E2F6: variants seen among roughly 807,000 people sequenced by gnomAD.
E2F6 encodes E2F transcription factor 6.
Under a neutral mutation model 31.5 loss-of-function variants are expected in E2F6, and 19 were observed. That is an observed-to-expected ratio of 0.60 (90% confidence interval 0.42 to 0.89). The LOEUF (loss-of-function observed/expected upper bound fraction) is 0.89. E2F6 is among the 40% of genes least tolerant of loss of function. E2F6 has a pLI of 0.00. For synonymous variants in E2F6, 121 were observed against 127.7 expected (o/e 0.95, Z 0.36); for missense variants, 269 against 341.6 (o/e 0.79, Z 1.67).
intron 1 of E2F6, among the ~76,000 whole-genome samples, chr2:11,458,787 C>T (rs1671577220): frequency 6.6e-6 from 1 of 152,168 alleles, no homozygotes; most frequent in South Asian, 2.1e-4. Context: ...ATATGGAATA[C>T]TCCCATTGAG....
chr2:11,465,178 C>CAAAAAAAAAAAAAA (rs59561027), intron 1 of E2F6, among the ~76,000 whole-genome samples: 6 of 88,548 alleles, frequency 6.8e-5, no homozygotes, highest in African/African-American at 1.4e-4. Context: ...AACTCAATCT[C>CAAAAAAAAAAAAAA]AAAAAAAAAA....
At chr2:11,463,617 TAAG>T (rs1558464460) in intron 1 of E2F6, among the ~76,000 whole-genome samples, 1 of 152,058 alleles carries the variant, frequency 6.6e-6, no homozygotes, top group Non-Finnish European at 1.5e-5. Context: ...TGAACTCCCC[TAAG>T]AAGAATGTGT....
chr2:11,465,763 G>T lies in E2F6; in HGVS notation c.108+9C>A, dbSNP rs775637019. ...CCACCGCCCGTCCCCGTCCCGTCCCGGAGCTTACCAGCAGGCCCTCCACGT... is the reference window on the plus strand; with the variant it reads ...CCACCGCCCGTCCCCGTCCCGTCCCTGAGCTTACCAGCAGGCCCTCCACGT... On this transcript the variant is annotated intron_variant, in intron 1 of 6. Coordinates refer to ENST00000381525, the MANE Select transcript of E2F6 (RefSeq NM_198256.4). 3 of 1,583,052 alleles carry T rather than the reference G, an allele frequency of 1.9e-6. No individual in the cohort carries two copies. Among genetic ancestry groups the T allele is most frequent in the Non-Finnish European group, 2.6e-6 (3 of 1,165,366 alleles).
rs571082472 is a variant in E2F6 at position 11,445,119 on chromosome 2, T to G, written c.*1358A>C. 8 of 152,334 alleles carry G rather than the reference T, an allele frequency of 5.3e-5. No homozygotes were observed. In the South Asian group the frequency reaches 1.7e-3, roughly 32 times the overall value. 9.4% of individuals were successfully genotyped at this position (152,334 alleles called of 1,614,324 possible). A position where few individuals can be genotyped will look rare whatever the true frequency, so the allele number is the denominator to read the frequency against. ...TATGTGAATCCTAAACACTCAGCAT[T>G]ATTTTTTAATACTTTGATTTTGGAT... On this transcript the variant is annotated 3_prime_UTR_variant, in exon 7 of 7. Transcript: ENST00000381525.
intron 5 of E2F6, among the ~76,000 whole-genome samples, chr2:11,449,455 T>C (rs577643031): frequency 6.6e-6 from 1 of 152,352 alleles, no homozygotes; most frequent in Admixed American, 6.5e-5. Flanking sequence ...TCTGTCCTCA[T>C]CAAGCAGCCT....
chr2:11,447,493 G>C, intron 6 of E2F6, 134 bp downstream of exon 6: 1 of 944,620 alleles, frequency 1.1e-6, no homozygotes, highest in South Asian at 1.6e-5. Context: ...CTAAACTACA[G>C]TAAGAGTTAT....
intron 4 of E2F6, 133 bp from the exon 5 acceptor site, chr2:11,450,259 G>T: frequency 2.3e-6 from 1 of 442,360 alleles, no homozygotes; most frequent in South Asian, 4.8e-5. Context: ...CACCATTAAG[G>T]AAAGCAGTAA....
intron 1 of E2F6, among the ~76,000 whole-genome samples, chr2:11,464,933 G>T (rs913062637): frequency 6.6e-6 from 1 of 151,982 alleles, no homozygotes; most frequent in Non-Finnish European, 1.5e-5. Flanking sequence ...GAAAATACGG[G>T]GAGAGGTCGG....
rs546723447 is a variant in E2F6, at chr2:11,449,972, A to T, written c.651+40T>A. The T allele has an allele frequency of 1.3e-5, 19 of 1,517,164 alleles. No individual in the cohort carries two copies. The South Asian group carries it at 1.9e-4, about 15-fold the overall frequency. The allele number at this position is 1,517,164 out of a possible 1,614,324, so 94.0% of individuals were successfully genotyped here. On this transcript the variant is annotated intron_variant, in intron 5 of 6. Coordinates refer to ENST00000381525, the MANE Select transcript of E2F6 (RefSeq NM_198256.4). ...ATCACAGCCTAAGCAGTCGGCCCTCATCCCTCTTTAAATCTTTTTAAAAAT... is the reference window on the plus strand; with the variant it reads ...ATCACAGCCTAAGCAGTCGGCCCTCTTCCCTCTTTAAATCTTTTTAAAAAT...
Position 11,450,139 on chromosome 2 carries a change from C to A in E2F6, c.537-13G>T. ...CACATATGCTAGTGTAAAACTCAGT[C>A]AAGGATCTCTACACAGAATGCTGTT... On this transcript the variant is annotated splice_polypyrimidine_tract_variant and intron_variant, in intron 4 of 6. Coordinates refer to ENST00000381525, the MANE Select transcript of E2F6 (RefSeq NM_198256.4). The A allele has an allele frequency of 1.3e-6, 2 of 1,569,560 alleles. No individual in the cohort carries two copies. The highest frequency in any genetic ancestry group is 1.1e-5 in the South Asian group (1 of 89,576).
At chr2:11,455,262 G>T in intron 2 of E2F6, 1 of 984,634 alleles carries the variant, frequency 1.0e-6, no homozygotes, top group Non-Finnish European at 1.3e-6. Context: ...TGTCACTCTG[G>T]TGTGGAATAT....
chr2:11,462,410 T>C (rs185354297), intron 1 of E2F6, among the ~76,000 whole-genome samples: 6 of 152,222 alleles, frequency 3.9e-5, no homozygotes, highest in African/African-American at 1.4e-4. Flanking sequence ...ACAACAATTA[T>C]AGCAATAAAC....
At chr2:11,451,626 A>T in intron 4 of E2F6, 25 bp downstream of exon 4, 1 of 1,576,304 alleles carries the variant, frequency 6.3e-7, no homozygotes, top group Non-Finnish European at 8.6e-7. Context: ...CAGAAATTTT[A>T]AAAAGGTATA....
Position 11,465,955 on chromosome 2 carries a change from C to A in E2F6, c.-76G>T, listed in dbSNP as rs974784966. On this transcript the variant is annotated 5_prime_UTR_variant, in exon 1 of 7. Transcript: ENST00000381525. ...CCTCTCGCGCTCAGCTCGAGCACCG[C>A]CCCCCACGCGCCGATTTCCAAGGGC... The A allele has an allele frequency of 1.1e-5, 14 of 1,314,886 alleles. No homozygotes were observed. The highest frequency in any genetic ancestry group is 2.9e-5 in the East Asian group (1 of 35,074). 81.5% of individuals were successfully genotyped at this position (1,314,886 alleles called of 1,614,324 possible).
chr2:11,465,663 G>A (rs1672134877), intron 1 of E2F6, 109 bp downstream of exon 1: 3 of 1,141,136 alleles, frequency 2.6e-6, no homozygotes, highest in African/African-American at 3.1e-5. Context: ...GCCTGGCCCA[G>A]GGGGAGCAGA....
chr2:11,450,513 A>C (rs1256045453), intron 4 of E2F6, among the ~76,000 whole-genome samples: 1 of 152,182 alleles, frequency 6.6e-6, no homozygotes, highest in Non-Finnish European at 1.5e-5. Context: ...ATCTTACTAT[A>C]ACTTTGAGAA....
rs1211766532 is a variant in E2F6, at chr2:11,457,483, C to T, written c.109-250G>A. On this transcript the variant is annotated intron_variant, in intron 1 of 6. Transcript: ENST00000381525. ...ACTAAAAATACAAAAATTAGCCGGGCGTGGTGGCAGGCACCTGTAGTCCCA... is the reference window on the plus strand; with the variant it reads ...ACTAAAAATACAAAAATTAGCCGGGTGTGGTGGCAGGCACCTGTAGTCCCA... Among the ~76,000 whole-genome samples, 3 of 152,086 alleles carry T rather than the reference C, an allele frequency of 2.0e-5. No individual in the cohort carries two copies. The East Asian group carries it at 5.8e-4, about 29-fold the overall frequency.
chr2:11,458,541 T>C (rs1266692994), intron 1 of E2F6, among the ~76,000 whole-genome samples: 3 of 152,206 alleles, frequency 2.0e-5, no homozygotes, highest in Non-Finnish European at 1.5e-5. Context: ...CTTTATGTCA[T>C]AACCAGTAGA....
At position 11,446,298 on chromosome 2, in the gene E2F6, C is replaced by A. The variant is rs867318494; in HGVS notation, c.*179G>T. On this transcript the variant is annotated 3_prime_UTR_variant, in exon 7 of 7. Coordinates refer to ENST00000381525, the MANE Select transcript of E2F6 (RefSeq NM_198256.4). ...AAGGAGTTGTTTTCAAATGTGGAAA[C>A]CACAATTACTCAGTAATCTAAGTGG... 5.8e-5 allele frequency: 30 copies of A among 519,348 alleles called. No individual in the cohort carries two copies. Among genetic ancestry groups the A allele is most frequent in the African/African-American group, 5.8e-4 (29 of 50,276 alleles). 32.2% of individuals were successfully genotyped at this position (519,348 alleles called of 1,614,324 possible). A position where few individuals can be genotyped will look rare whatever the true frequency, so the allele number is the denominator to read the frequency against.
Sources: gnomAD v4.1 joint callset for allele counts (sites outside exome capture counted in the v4.1 genomes callset) on GRCh38, gnomAD v4.1.1 for gene constraint, MANE v1.5 for transcripts, NCBI Gene and HGNC (gene_info 2026-07-23, HGNC 2026-07-21) for gene names.